Variants in CSMD1 observed in about 807,000 individuals in gnomAD.
CSMD1 encodes CUB and Sushi multiple domains 1.
In CSMD1, 213 loss-of-function variants were observed where a neutral mutation model predicts 417.5. The observed-to-expected ratio is 0.51, with a 90% confidence interval of 0.46 to 0.57. CSMD1 has a LOEUF of 0.57. Ranked by LOEUF, CSMD1 falls within the 20% of genes least tolerant of loss-of-function variation. CSMD1 has a pLI of 0.00. For synonymous variants in CSMD1, 2,862 were observed against 1,736.8 expected, an observed-to-expected ratio of 1.65 and a Z score of -16.11; for missense variants, 6,923 against 4,529.7, an observed-to-expected ratio of 1.53 and a Z score of -15.17.
At chr8:4,425,286 G>A (rs1190254088) in intron 2 of CSMD1, among the ~76,000 whole-genome samples, 2 of 151,590 alleles carry the variant, frequency 1.3e-5, no homozygotes, top group Non-Finnish European at 2.9e-5. Context: ...AGAGGTTTGG[G>A]GTAATTTAAT....
At chr8:4,355,342 T>C (rs1404227814) in intron 3 of CSMD1, among the ~76,000 whole-genome samples, 3 of 151,562 alleles carry the variant, frequency 2.0e-5, no homozygotes, top group Admixed American at 1.3e-4. Context: ...CACACACGTA[T>C]ATATGATATA....
intron 5 of CSMD1, among the ~76,000 whole-genome samples, chr8:3,921,971 G>C (rs940228389): frequency 1.3e-5 from 2 of 152,024 alleles, no homozygotes; most frequent in African/African-American, 2.4e-5. Context: ...GTCTATTTTG[G>C]AAAGCAGTGC....
At chr8:4,348,967 C>T (rs1800932743) in intron 3 of CSMD1, among the ~76,000 whole-genome samples, 2 of 152,130 alleles carry the variant, frequency 1.3e-5, no homozygotes. Flanking sequence ...TCTTGAATTG[C>T]ACCATATGCA....
At chr8:4,298,167 C>T (rs1249917971) in intron 3 of CSMD1, among the ~76,000 whole-genome samples, 2 of 152,068 alleles carry the variant, frequency 1.3e-5, no homozygotes, top group African/African-American at 2.4e-5. Context: ...TTTAGAAAAA[C>T]ATAATTTTGA....
chr8:4,979,545 C>T (rs1163577091), intron 1 of CSMD1, among the ~76,000 whole-genome samples: 6 of 142,174 alleles, frequency 4.2e-5, no homozygotes, highest in Non-Finnish European at 8.2e-5. Flanking sequence ...AAAGAAGGAG[C>T]TAGTTTTCAC....
rs139083985 is a variant in CSMD1 at position 3,662,990 on chromosome 8, G to A, written c.1009+45424C>T. On this transcript the variant is annotated intron_variant, in intron 7 of 69. Transcript: ENST00000635120. ...CTGCAGGTTCTGCACAAGTATCCCA[G>A]AACTTAAAGTAAAATAAATAAATAA... 7.9e-5 allele frequency among the ~76,000 whole-genome samples: 12 copies of A among 152,128 alleles called. No individual in the cohort carries two copies. In the East Asian group the frequency reaches 2.3e-3, roughly 30 times the overall value.
chr8:4,868,586 A>G (rs1802552370), intron 1 of CSMD1, among the ~76,000 whole-genome samples: 1 of 151,972 alleles, frequency 6.6e-6, no homozygotes, highest in African/African-American at 2.4e-5. Context: ...AATCATTTTC[A>G]TTCGTCTAAA....
chr8:4,513,524 G>C (rs960700480), intron 2 of CSMD1, among the ~76,000 whole-genome samples: 3 of 152,152 alleles, frequency 2.0e-5, no homozygotes, highest in Non-Finnish European at 4.4e-5. Flanking sequence ...AGTTAGAGAA[G>C]AACTCTCGTT....
At chr8:4,182,919 G>A (rs1172264164) in intron 3 of CSMD1, among the ~76,000 whole-genome samples, 1 of 152,002 alleles carries the variant, frequency 6.6e-6, no homozygotes, top group Non-Finnish European at 1.5e-5. Context: ...TGAAGACGGT[G>A]GATAGAATCT....
At chr8:3,146,934 C>T (rs955430441) in intron 40 of CSMD1, among the ~76,000 whole-genome samples, 1 of 152,128 alleles carries the variant, frequency 6.6e-6, no homozygotes, top group Non-Finnish European at 1.5e-5. Context: ...CATGCTTATC[C>T]AGTTGTATGG....
chr8:3,066,556 T>G (rs1349629115), intron 49 of CSMD1, among the ~76,000 whole-genome samples: 1 of 152,224 alleles, frequency 6.6e-6, no homozygotes, highest in Non-Finnish European at 1.5e-5. Context: ...CATGGCTTCC[T>G]TGTGATATTT....
chr8:4,954,187 A>T (rs1472020482), intron 1 of CSMD1, among the ~76,000 whole-genome samples: 1 of 152,244 alleles, frequency 6.6e-6, no homozygotes, highest in Non-Finnish European at 1.5e-5. Context: ...AAACAAACAG[A>T]AAACACATTA....
Position 3,294,053 on chromosome 8 carries a change from C to T in CSMD1, c.3951-9707G>A, listed in dbSNP as rs146637985. On this transcript the variant is annotated intron_variant, in intron 25 of 69. Transcript: ENST00000635120. ...TAGTTTTCCTTCTAACAGTCAGGACCCTCAGCTGCACATCTGTTGGAGTTT... is the reference window on the plus strand; with the variant it reads ...TAGTTTTCCTTCTAACAGTCAGGACTCTCAGCTGCACATCTGTTGGAGTTT... Among the ~76,000 whole-genome samples, 62 of 152,288 alleles carry T rather than the reference C, an allele frequency of 4.1e-4. No homozygotes were observed. In the East Asian group the frequency reaches 0.012, roughly 29 times the overall value.
chr8:3,333,456 G>A (rs528309705), intron 23 of CSMD1, among the ~76,000 whole-genome samples: 1 of 152,258 alleles, frequency 6.6e-6, no homozygotes, highest in East Asian at 1.9e-4. Context: ...TTTTCCCAAC[G>A]TTTTTCTCAG....
intron 40 of CSMD1, among the ~76,000 whole-genome samples, chr8:3,146,138 A>G (rs922448476): frequency 1.1e-4 from 16 of 152,202 alleles, no homozygotes; most frequent in African/African-American, 3.9e-4. Context: ...ATGGCATGGT[A>G]ATTTTGGAGA....
At chr8:4,764,904 C>CAAGA (rs1554473698) in intron 1 of CSMD1, among the ~76,000 whole-genome samples, 2 of 122,654 alleles carry the variant, frequency 1.6e-5, no homozygotes, top group African/African-American at 6.4e-5. Context: ...ACAACAACAA[C>CAAGA]AAAAAAAAAC....
chr8:3,885,649 T>G (rs1458753953), intron 5 of CSMD1, among the ~76,000 whole-genome samples: 1 of 152,074 alleles, frequency 6.6e-6, no homozygotes, highest in Admixed American at 6.6e-5. Flanking sequence ...TGTTCTCTAT[T>G]CCCCCTCATT....
At chr8:4,312,769 G>C (rs898617687) in intron 3 of CSMD1, among the ~76,000 whole-genome samples, 2 of 152,080 alleles carry the variant, frequency 1.3e-5, no homozygotes, top group African/African-American at 2.4e-5. Context: ...AGCTACTCCG[G>C]AGGCTGAAGC....
intron 3 of CSMD1, among the ~76,000 whole-genome samples, chr8:4,196,449 G>C (rs567042213): frequency 6.6e-6 from 1 of 152,244 alleles, no homozygotes; most frequent in South Asian, 2.1e-4. Context: ...AAGCCTCTTA[G>C]GGAAAATCTG....
Sources: allele counts gnomAD v4.1 joint callset (sites outside exome capture counted in the v4.1 genomes callset), GRCh38; gene constraint gnomAD v4.1.1; transcripts MANE v1.5; gene names NCBI Gene and HGNC (gene_info 2026-07-23, HGNC 2026-07-21).